Variants in MARCHF1 observed in about 807,000 individuals in gnomAD.
MARCHF1 encodes E3 ubiquitin-protein ligase MARCHF1.
A neutral mutation model predicts 54.2 loss-of-function variants in MARCHF1; 40 were observed. The observed-to-expected ratio is 0.74, with a 90% CI of 0.57 to 0.96. The LOEUF is 0.96. Ranked by LOEUF, MARCHF1 falls within the 40% of genes least tolerant of loss-of-function variation. The pLI, the probability that MARCHF1 is intolerant of heterozygous loss-of-function variation, is 0.00. For missense variants in MARCHF1, 586 were observed against 656.5 expected (o/e 0.89, Z 1.17); for synonymous variants, 236 against 236.3 (o/e 1.00, Z 0.01).
chr4:163,918,236 T>C (rs1349537329), intron 3 of MARCHF1, among the ~76,000 whole-genome samples: 5 of 152,158 alleles, frequency 3.3e-5, no homozygotes, highest in African/African-American at 1.2e-4. Flanking sequence ...CTCTGTATCA[T>C]GGACCATTTT....
intron 1 of MARCHF1, among the ~76,000 whole-genome samples, chr4:164,180,941 C>T (rs1287985355): frequency 1.3e-5 from 2 of 152,164 alleles, no homozygotes; most frequent in African/African-American, 2.4e-5. Context: ...TTCTAGACAA[C>T]ATTTACCTTC....
chr4:164,069,870 C>A lies in MARCHF1; in HGVS notation c.-248+41718G>T, dbSNP rs114891445. Among the ~76,000 whole-genome samples the A allele has an allele frequency of 6.0e-3, 919 of 152,244 alleles. 9 individuals carry two copies. Among genetic ancestry groups the A allele is most frequent in the African/African-American group, 0.021 (874 of 41,542 alleles). On this transcript the variant is annotated intron_variant, in intron 2 of 9. Coordinates refer to ENST00000514618, the MANE Select transcript of MARCHF1 (RefSeq NM_001394959.1). The stretch of plus-strand genomic sequence containing the variant: ...AGAAGACGTGGAATTAACCTAGGTG[C>A]CCTATCAATGGTATATTGGATTGAA...
intron 1 of MARCHF1, among the ~76,000 whole-genome samples, chr4:164,208,901 GATC>G (rs1365161017): frequency 6.6e-6 from 1 of 152,002 alleles, no homozygotes; most frequent in Non-Finnish European, 1.5e-5. Context: ...AGTGAGCTGA[GATC>G]ATACTACTCT....
chr4:164,069,429 T>G (rs1214516858), intron 2 of MARCHF1, among the ~76,000 whole-genome samples: 1 of 152,188 alleles, frequency 6.6e-6, no homozygotes, highest in Admixed American at 6.5e-5. Flanking sequence ...GGGTCCACAC[T>G]GCCTTTATGA....
At chr4:163,892,681 C>CA (rs1249321384) in intron 3 of MARCHF1, among the ~76,000 whole-genome samples, 1 of 149,524 alleles carries the variant, frequency 6.7e-6, no homozygotes, top group Non-Finnish European at 1.5e-5. Context: ...AAAGAGTTAT[C>CA]AATTTATGTA....
At chr4:164,261,682 C>T (rs1733470903) in intron 1 of MARCHF1, among the ~76,000 whole-genome samples, 1 of 152,150 alleles carries the variant, frequency 6.6e-6, no homozygotes. Context: ...AGAACTGGCT[C>T]CTTTAAGTAT....
At chr4:163,539,170 A>G (rs1738637996) in intron 9 of MARCHF1, among the ~76,000 whole-genome samples, 1 of 151,948 alleles carries the variant, frequency 6.6e-6, no homozygotes, top group African/African-American at 2.4e-5. Flanking sequence ...ACAGGCATGC[A>G]CCACCATGCC....
intron 8 of MARCHF1, among the ~76,000 whole-genome samples, chr4:163,581,600 T>C (rs1358633589): frequency 1.3e-5 from 2 of 152,202 alleles, no homozygotes; most frequent in African/African-American, 4.8e-5. Context: ...AGCACTTGGC[T>C]CTTTTGAAAG....
At chr4:164,059,120 CT>C (rs1471205821) in intron 2 of MARCHF1, among the ~76,000 whole-genome samples, 1 of 152,136 alleles carries the variant, frequency 6.6e-6, no homozygotes, top group Non-Finnish European at 1.5e-5. Flanking sequence ...ACAGATTCAT[CT>C]AGTTGTATGC....
intron 3 of MARCHF1, among the ~76,000 whole-genome samples, chr4:163,915,068 AT>A (rs2111346222): frequency 2.0e-5 from 3 of 152,308 alleles, no homozygotes; most frequent in African/African-American, 7.2e-5. Flanking sequence ...AATATAATGT[AT>A]TTGGGGGTTT....
At chr4:164,252,662 A>T (rs1042244606) in intron 1 of MARCHF1, among the ~76,000 whole-genome samples, 2 of 152,204 alleles carry the variant, frequency 1.3e-5, no homozygotes, top group African/African-American at 2.4e-5. Flanking sequence ...ACATGGTAAG[A>T]TGAATCAATC....
chr4:163,546,992 C>T (rs1738933469), intron 8 of MARCHF1, among the ~76,000 whole-genome samples: 2 of 152,098 alleles, frequency 1.3e-5, no homozygotes, highest in South Asian at 4.1e-4. Context: ...ACTGACATGC[C>T]AAGCTTTTAA....
intron 8 of MARCHF1, among the ~76,000 whole-genome samples, chr4:163,547,580 C>T (rs1250062620): frequency 1.3e-5 from 2 of 152,194 alleles, no homozygotes; most frequent in Non-Finnish European, 2.9e-5. Context: ...AACAGCTTGC[C>T]TTTGGCCATC....
intron 1 of MARCHF1, among the ~76,000 whole-genome samples, chr4:164,256,432 T>TA (rs11345775): frequency 0.079 from 9,571 of 121,726 alleles, 561 homozygotes; most frequent in East Asian, 0.18. Context: ...ACAAGAAGCT[T>TA]AAAAAAAAAA....
chr4:163,765,949 A>T (rs1434064145), intron 4 of MARCHF1, among the ~76,000 whole-genome samples: 1 of 148,162 alleles, frequency 6.7e-6, no homozygotes, highest in East Asian at 1.9e-4. Context: ...TATATATAAT[A>T]TATAGTGTTC....
intron 4 of MARCHF1, among the ~76,000 whole-genome samples, chr4:163,709,169 G>T (rs1286198317): frequency 6.6e-6 from 1 of 152,148 alleles, no homozygotes; most frequent in East Asian, 1.9e-4. Flanking sequence ...TATTAACACT[G>T]CAATCTATGC....
At chr4:164,345,851 C>G (rs1460419151) in intron 1 of MARCHF1, among the ~76,000 whole-genome samples, 1 of 151,728 alleles carries the variant, frequency 6.6e-6, no homozygotes, top group African/African-American at 2.4e-5. Context: ...TCCTGAATTC[C>G]ATAACTTCAT....
At chr4:164,127,886 G>A (rs1339778409) in intron 1 of MARCHF1, among the ~76,000 whole-genome samples, 1 of 152,008 alleles carries the variant, frequency 6.6e-6, no homozygotes, top group African/African-American at 2.4e-5. Context: ...CACAACAATG[G>A]AGAATTAGTG....
chr4:163,548,826 GA>G (rs1316872991), intron 8 of MARCHF1, among the ~76,000 whole-genome samples: 1 of 152,210 alleles, frequency 6.6e-6, no homozygotes, highest in African/African-American at 2.4e-5. Flanking sequence ...CTAAGAATGA[GA>G]AATGGAGAGG....
Sources: gnomAD v4.1 joint callset for allele counts (sites outside exome capture counted in the v4.1 genomes callset) on GRCh38, gnomAD v4.1.1 for gene constraint, MANE v1.5 for transcripts, NCBI Gene and HGNC (gene_info 2026-07-23, HGNC 2026-07-21) for gene names.